CMTM8: variants seen among roughly 807,000 people sequenced by gnomAD.
The protein encoded by CMTM8 is CKLF like MARVEL transmembrane domain containing 8.
Under a neutral mutation model 18.6 loss-of-function variants are expected in CMTM8, and 12 were observed. The observed-to-expected ratio is 0.65, with a 90% confidence interval of 0.41 to 1.05. CMTM8 has a LOEUF of 1.05. CMTM8 is among the 50% of genes least tolerant of loss of function. The pLI is 0.00. For synonymous variants in CMTM8, 87 were observed against 90.6 expected, an observed-to-expected ratio of 0.96 and a Z score of 0.23; for missense variants, 217 against 227.2, an observed-to-expected ratio of 0.95 and a Z score of 0.29.
At chr3:32,321,022 T>C (rs549812861) in intron 1 of CMTM8, among the ~76,000 whole-genome samples, 1 of 152,292 alleles carries the variant, frequency 6.6e-6, no homozygotes, top group Non-Finnish European at 1.5e-5. Flanking sequence ...GACTTTCCTT[T>C]TTCTGGAGTT....
intron 1 of CMTM8, among the ~76,000 whole-genome samples, chr3:32,242,026 T>A (rs557222062): frequency 6.6e-6 from 1 of 152,340 alleles, no homozygotes; most frequent in South Asian, 2.1e-4. Flanking sequence ...TGCACACAGC[T>A]GGCCGACTGG....
At chr3:32,257,934 G>T (rs1352264251) in intron 1 of CMTM8, among the ~76,000 whole-genome samples, 4 of 152,098 alleles carry the variant, frequency 2.6e-5, no homozygotes, top group African/African-American at 7.2e-5. Context: ...GGAGGGGGAA[G>T]CTAGGGTAGT....
At chr3:32,266,939 C>T (rs1278652086) in intron 1 of CMTM8, among the ~76,000 whole-genome samples, 9 of 152,026 alleles carry the variant, frequency 5.9e-5, no homozygotes, top group African/African-American at 1.4e-4. Flanking sequence ...CACTGCTCAA[C>T]AAAATAAAAG....
intron 1 of CMTM8, among the ~76,000 whole-genome samples, chr3:32,310,606 A>G (rs1213715328): frequency 1.3e-5 from 2 of 152,194 alleles, no homozygotes; most frequent in Non-Finnish European, 2.9e-5. Flanking sequence ...CGTGTGTGCC[A>G]TTTCCTCCCA....
intron 1 of CMTM8, among the ~76,000 whole-genome samples, chr3:32,279,966 A>G (rs928984323): frequency 1.3e-5 from 2 of 151,920 alleles, no homozygotes; most frequent in African/African-American, 2.4e-5. Context: ...TTTTGGCTGC[A>G]TAAATGTCTT....
intron 1 of CMTM8, among the ~76,000 whole-genome samples, chr3:32,349,164 T>G (rs75129330): frequency 0.026 from 3,888 of 152,190 alleles, 76 homozygotes; most frequent in East Asian, 0.11. Context: ...TTATATAGGC[T>G]TTGCTTTCTT....
intron 1 of CMTM8, among the ~76,000 whole-genome samples, chr3:32,291,856 A>G (rs1342491412): frequency 6.6e-6 from 1 of 152,164 alleles, no homozygotes; most frequent in Non-Finnish European, 1.5e-5. Context: ...AGAATGTATG[A>G]TTAGAGGGGG....
intron 1 of CMTM8, among the ~76,000 whole-genome samples, chr3:32,245,761 T>C (rs1335567149): frequency 6.6e-6 from 1 of 152,190 alleles, no homozygotes; most frequent in Non-Finnish European, 1.5e-5. Context: ...TTCCATTTCA[T>C]AAAAGCAATA....
chr3:32,289,902 C>T (rs938057104), intron 1 of CMTM8, among the ~76,000 whole-genome samples: 5 of 151,984 alleles, frequency 3.3e-5, no homozygotes, highest in Admixed American at 6.6e-5. Flanking sequence ...AGGCCGAGGC[C>T]GGTAGATTGC....
At chr3:32,352,047 G>A (rs1696718661) in intron 1 of CMTM8, among the ~76,000 whole-genome samples, 2 of 151,794 alleles carry the variant, frequency 1.3e-5, no homozygotes, top group Admixed American at 6.6e-5. Context: ...GCATGGTGGT[G>A]CATTCCTGTA....
chr3:32,330,101 A>G (rs1026166738), intron 1 of CMTM8, among the ~76,000 whole-genome samples: 1 of 152,094 alleles, frequency 6.6e-6, no homozygotes, highest in Admixed American at 6.6e-5. Context: ...AAGACATTCT[A>G]TGTTCATAGA....
chr3:32,258,356 G>A (rs1375771813), intron 1 of CMTM8, among the ~76,000 whole-genome samples: 3 of 152,164 alleles, frequency 2.0e-5, no homozygotes, highest in East Asian at 3.9e-4. Context: ...AATTTGGGAA[G>A]GATAAAGAGG....
chr3:32,332,615 T>A (rs1314813871), intron 1 of CMTM8, among the ~76,000 whole-genome samples: 3 of 152,152 alleles, frequency 2.0e-5, no homozygotes, highest in Non-Finnish European at 4.4e-5. Context: ...TGCCTTCTAA[T>A]GCTGTCCTTA....
At chr3:32,361,420 T>C (rs1173193534) in intron 2 of CMTM8, among the ~76,000 whole-genome samples, 6 of 152,082 alleles carry the variant, frequency 3.9e-5, no homozygotes, top group Non-Finnish European at 8.8e-5. Flanking sequence ...ACACGTGGAT[T>C]TTCCTGCTAA....
chr3:32,338,035 A>G (rs1696421352), intron 1 of CMTM8, among the ~76,000 whole-genome samples: 1 of 145,018 alleles, frequency 6.9e-6, no homozygotes, highest in Non-Finnish European at 1.5e-5. Context: ...CCAGGCTGGA[A>G]TGCAGTGGTG....
At chr3:32,280,187 A>G (rs563576784) in intron 1 of CMTM8, among the ~76,000 whole-genome samples, 38 of 152,092 alleles carry the variant, frequency 2.5e-4, no homozygotes, top group Non-Finnish European at 5.0e-4. Context: ...GGCATAAGTG[A>G]GGGGGGAGAA....
rs765402772 is a variant in CMTM8, at chr3:32,367,963, A to G, written c.413A>G (p.Asn138Ser). ...GTCTCCCCTGAGAGGGACAGTCACA[A>G]CTTCAACAGCTGGGCGGCCTCATCG... The part of the protein sequence containing the change: ...SSVSPERDSH[N>S]FNSWAASSFF... Residue 138 changes from asparagine to serine, a missense_variant, in exon 3 of 4, where the codon AAC becomes AGC. Asn to Ser is a conservative substitution (Grantham distance 46). Transcript: ENST00000307526. 4 of 1,613,706 alleles carry G rather than the reference A, an allele frequency of 2.5e-6. No individual in the cohort carries two copies. In the Admixed American group the frequency reaches 6.7e-5, roughly 27 times the overall value.
intron 1 of CMTM8, among the ~76,000 whole-genome samples, chr3:32,334,253 C>G (rs1456260681): frequency 1.3e-5 from 2 of 151,754 alleles, no homozygotes; most frequent in Non-Finnish European, 2.9e-5. Context: ...GCTGGGACTA[C>G]AGGCGTGAGC....
At chr3:32,273,794 T>G (rs1702476986) in intron 1 of CMTM8, among the ~76,000 whole-genome samples, 1 of 152,138 alleles carries the variant, frequency 6.6e-6, no homozygotes, top group Non-Finnish European at 1.5e-5. Context: ...TTGAATAGTC[T>G]AAAAATTACT....
Sources: allele counts gnomAD v4.1 joint callset (sites outside exome capture counted in the v4.1 genomes callset), GRCh38; gene constraint gnomAD v4.1.1; transcripts MANE v1.5; gene names NCBI Gene and HGNC (gene_info 2026-07-23, HGNC 2026-07-21).